Variants in DRC9 observed in about 807,000 individuals in gnomAD.
DRC9 encodes the protein dynein regulatory complex protein 9.
the DRC9 span, among the ~76,000 whole-genome samples, chr3:197,905,327 G>C: frequency 2.6e-4 from 40 of 152,216 alleles, no homozygotes; most frequent in Admixed American, 1.6e-3. Context: ...CTGTATCAAA[G>C]TACGTCATGC....
At chr3:197,896,027 GA>G in the DRC9 span, among the ~76,000 whole-genome samples, 1 of 115,368 alleles carries the variant, frequency 8.7e-6, no homozygotes, top group Non-Finnish European at 1.8e-5. Flanking sequence ...TGCATTGTCA[GA>G]AAAAAAATGA....
the DRC9 span, among the ~76,000 whole-genome samples, chr3:197,936,592 G>C: frequency 6.0e-4 from 92 of 152,178 alleles, no homozygotes; most frequent in South Asian, 0.018. Flanking sequence ...CAAACTCTTG[G>C]GCTCAAGCAA....
chr3:197,952,625 G>C, the DRC9 span: 1 of 152,152 alleles, frequency 6.6e-6, no homozygotes, highest in Non-Finnish European at 1.5e-5. Flanking sequence ...CTCCGAGTGA[G>C]GTGGGATTAC....
chr3:197,912,767 T>C, the DRC9 span: 4 of 1,597,230 alleles, frequency 2.5e-6, no homozygotes, highest in Non-Finnish European at 2.6e-6. Flanking sequence ...AACAATCAGA[T>C]ACCAGTACGT....
At chr3:197,931,835 C>G in the DRC9 span, among the ~76,000 whole-genome samples, 3 of 152,108 alleles carry the variant, frequency 2.0e-5, no homozygotes, top group South Asian at 6.2e-4. Flanking sequence ...CCGTGTTAGC[C>G]AGGATGGTCT....
chr3:197,934,264 A>C, the DRC9 span, among the ~76,000 whole-genome samples: 1 of 140,764 alleles, frequency 7.1e-6, no homozygotes, highest in African/African-American at 2.9e-5. Flanking sequence ...GGCTCACTGC[A>C]ACCTGCACCT....
chr3:197,926,176 G>T, the DRC9 span: 2 of 823,770 alleles, frequency 2.4e-6, no homozygotes, highest in East Asian at 2.5e-5. Flanking sequence ...GGACCACCCC[G>T]CACATAAGAA....
chr3:197,901,434 G>C, the DRC9 span, among the ~76,000 whole-genome samples: 1 of 152,176 alleles, frequency 6.6e-6, no homozygotes, highest in Non-Finnish European at 1.5e-5. The surrounding 1 kb of genome is among the most constrained non-coding windows in gnomAD (Gnocchi z 4.4). Context: ...CACCGCCCCC[G>C]GCCCAAGGCC....
the DRC9 span, among the ~76,000 whole-genome samples, chr3:197,928,117 A>G: frequency 3.5e-4 from 54 of 152,346 alleles, no homozygotes; most frequent in African/African-American, 1.3e-3. Flanking sequence ...ATGCAAAGAA[A>G]GTATGAAGAG....
chr3:197,954,931 T>C, the DRC9 span, among the ~76,000 whole-genome samples: 3 of 152,232 alleles, frequency 2.0e-5, no homozygotes, highest in Non-Finnish European at 4.4e-5. Flanking sequence ...ATGTCAGTCT[T>C]GTTAGAACAG....
At chr3:197,931,489 CAAAA>C in the DRC9 span, among the ~76,000 whole-genome samples, 1 of 137,938 alleles carries the variant, frequency 7.2e-6, no homozygotes, top group Admixed American at 7.0e-5. Context: ...CTCAAAAAAA[CAAAA>C]CAAACAAACA....
At chr3:197,919,481 C>T in the DRC9 span, among the ~76,000 whole-genome samples, 1 of 152,184 alleles carries the variant, frequency 6.6e-6, no homozygotes. Flanking sequence ...TCCATGGTGT[C>T]GGGAACCTTC....
the DRC9 span, among the ~76,000 whole-genome samples, chr3:197,932,800 AATATATATATGTATT>A: frequency 6.9e-6 from 1 of 144,120 alleles, no homozygotes; most frequent in East Asian, 2.0e-4. Context: ...GGTCTCAAAA[AATATATATATGTATT>A]ATATATATAT....
chr3:197,940,375 C>T, the DRC9 span, among the ~76,000 whole-genome samples: 5 of 150,554 alleles, frequency 3.3e-5, no homozygotes, highest in Admixed American at 6.7e-5. Context: ...GGTTTTTTAC[C>T]GTAAGGAAAA....
At chr3:197,913,325 T>TGTGCGTGCGTGC in the DRC9 span, 52 of 191,010 alleles carry the variant, frequency 2.7e-4, no homozygotes, top group African/African-American at 3.4e-4. Flanking sequence ...GCTTTGCGTG[T>TGTGCGTGCGTGC]GTGCGTGCGT....
the DRC9 span, among the ~76,000 whole-genome samples, chr3:197,946,618 G>A: frequency 2.6e-5 from 4 of 151,982 alleles, no homozygotes; most frequent in African/African-American, 7.3e-5. Context: ...AGTTTCCAAT[G>A]TAAATTTGTC....
the DRC9 span, among the ~76,000 whole-genome samples, chr3:197,926,466 A>G: frequency 2.6e-5 from 4 of 152,348 alleles, no homozygotes; most frequent in Non-Finnish European, 5.9e-5. Context: ...TGGGCACTTC[A>G]ATTACATATT....
chr3:197,910,904 C>T, the DRC9 span, among the ~76,000 whole-genome samples: 5 of 149,446 alleles, frequency 3.3e-5, no homozygotes, highest in Non-Finnish European at 7.4e-5. Context: ...CCCAGGAGGC[C>T]GAGGTTGCAG....
the DRC9 span, among the ~76,000 whole-genome samples, chr3:197,934,473 C>G: frequency 6.6e-6 from 1 of 152,118 alleles, no homozygotes; most frequent in Non-Finnish European, 1.5e-5. Context: ...GCGTGAGCCA[C>G]GGCGCCCGGC....
Sources: gnomAD v4.1 joint callset for allele counts (sites outside exome capture counted in the v4.1 genomes callset) on GRCh38, gnomAD v4.1.1 for gene constraint, Gnocchi (gnomAD v3.1) non-coding constraint, MANE v1.5 for transcripts, NCBI Gene and HGNC (gene_info 2026-07-23, HGNC 2026-07-21) for gene names.